IMMP2L: variants seen among roughly 807,000 people sequenced by gnomAD.
The protein encoded by IMMP2L is mitochondrial inner membrane protease subunit 2.
Under a neutral mutation model 19.3 loss-of-function variants are expected in IMMP2L, and 18 were observed. That is an observed-to-expected ratio of 0.93 (90% CI 0.64 to 1.38). IMMP2L has a LOEUF of 1.38. Ranked by LOEUF, IMMP2L falls within the 40% of genes most tolerant of loss-of-function variation. The pLI is 0.00. For synonymous variants in IMMP2L, 76 were observed against 73.0 expected, an observed-to-expected ratio of 1.04 and a Z score of -0.21; for missense variants, 233 against 218.2, an observed-to-expected ratio of 1.07 and a Z score of -0.43.
chr7:110,987,205 A>G (rs935898293), intron 3 of IMMP2L, among the ~76,000 whole-genome samples: 1 of 152,194 alleles, frequency 6.6e-6, no homozygotes, highest in Non-Finnish European at 1.5e-5. Flanking sequence ...TAAATAATAT[A>G]TAATACTTAT....
chr7:111,079,035 A>T (rs928875489), intron 3 of IMMP2L, among the ~76,000 whole-genome samples: 1 of 151,992 alleles, frequency 6.6e-6, no homozygotes, highest in Non-Finnish European at 1.5e-5. Flanking sequence ...AAACATTTTA[A>T]AAGCCAACAT....
intron 3 of IMMP2L, among the ~76,000 whole-genome samples, chr7:111,164,086 G>C (rs937280441): frequency 3.4e-5 from 5 of 147,132 alleles, no homozygotes; most frequent in African/African-American, 2.5e-5. Context: ...AAAAAGGGAA[G>C]GAAAGTAGGA....
chr7:111,339,604 A>G (rs1451142294), intron 3 of IMMP2L, among the ~76,000 whole-genome samples: 1 of 151,956 alleles, frequency 6.6e-6, no homozygotes, highest in East Asian at 1.9e-4. Context: ...AACTGGAAGT[A>G]AGGAGGAGTA....
chr7:110,722,281 T>C (rs1435245373), intron 5 of IMMP2L, among the ~76,000 whole-genome samples: 1 of 152,122 alleles, frequency 6.6e-6, no homozygotes, highest in African/African-American at 2.4e-5. Flanking sequence ...AGGGTTATAT[T>C]ACTAATAGTA....
chr7:111,441,244 C>T (rs1463038194), intron 3 of IMMP2L, among the ~76,000 whole-genome samples: 1 of 151,928 alleles, frequency 6.6e-6, no homozygotes, highest in East Asian at 1.9e-4. Context: ...AAGAGGCCTA[C>T]CTTTCAGCCT....
chr7:111,287,354 A>T (rs1584462400), intron 3 of IMMP2L, among the ~76,000 whole-genome samples: 2 of 152,150 alleles, frequency 1.3e-5, no homozygotes, highest in Admixed American at 1.3e-4. Flanking sequence ...AATCAGGAAA[A>T]CATCTGCAAA....
In IMMP2L at chr7:111,371,603, T is replaced by C. The variant is rs772686994; in HGVS notation, c.239+115635A>G. On this transcript the variant is annotated intron_variant, in intron 3 of 5. Coordinates refer to ENST00000405709, the MANE Select transcript of IMMP2L (RefSeq NM_032549.4). The stretch of plus-strand genomic sequence containing the variant: ...AGTACTTTCTGTGGACTGTTCACCA[T>C]GTAACGATACAGTATCACCATAGAG... 4.9e-4 allele frequency among the ~76,000 whole-genome samples: 75 copies of C among 152,074 alleles called. 1 individual carries two copies. The highest frequency in any genetic ancestry group is 9.7e-4 in the Non-Finnish European group (66 of 67,986).
chr7:111,166,107 C>A (rs1805786512), intron 3 of IMMP2L, among the ~76,000 whole-genome samples: 1 of 151,912 alleles, frequency 6.6e-6, no homozygotes, highest in South Asian at 2.1e-4. Flanking sequence ...TTCATTTAAA[C>A]CCCATGAGTG....
chr7:111,063,914 CTCTG>C (rs1177127585), intron 3 of IMMP2L, among the ~76,000 whole-genome samples: 1 of 152,194 alleles, frequency 6.6e-6, no homozygotes, highest in Admixed American at 6.6e-5. Flanking sequence ...TCCCACATTT[CTCTG>C]TCTTCTTCTG....
intron 3 of IMMP2L, chr7:111,124,470 G>A (rs761438479): frequency 2.5e-5 from 40 of 1,613,692 alleles, no homozygotes; most frequent in Admixed American, 1.2e-4. Flanking sequence ...CTCATGCTGC[G>A]CAAAGTGCTC....
At chr7:110,892,719 C>T (rs866190452) in intron 4 of IMMP2L, among the ~76,000 whole-genome samples, 1 of 151,980 alleles carries the variant, frequency 6.6e-6, no homozygotes, top group African/African-American at 2.4e-5. Flanking sequence ...ACATGGACTA[C>T]CTTAAAAAAA....
chr7:110,698,761 G>C (rs926123084), intron 5 of IMMP2L, among the ~76,000 whole-genome samples: 4 of 152,258 alleles, frequency 2.6e-5, no homozygotes, highest in South Asian at 4.1e-4. Context: ...TATGTGTCCA[G>C]TATTCACCTT....
chr7:110,683,828 A>AT (rs1366710724), intron 5 of IMMP2L, among the ~76,000 whole-genome samples: 1 of 151,958 alleles, frequency 6.6e-6, no homozygotes, highest in Non-Finnish European at 1.5e-5. Context: ...TGACTCTGTG[A>AT]TTTTTTTCTT....
chr7:111,139,125 A>C (rs951867546), intron 3 of IMMP2L, among the ~76,000 whole-genome samples: 1 of 152,154 alleles, frequency 6.6e-6, no homozygotes, highest in African/African-American at 2.4e-5. Context: ...ACCAAAAAAA[A>C]GGAATAAGCC....
At chr7:110,698,511 T>C (rs1365189984) in intron 5 of IMMP2L, among the ~76,000 whole-genome samples, 1 of 152,182 alleles carries the variant, frequency 6.6e-6, no homozygotes, top group Non-Finnish European at 1.5e-5. Context: ...GAGAATACCC[T>C]CCCCTCTACC....
intron 3 of IMMP2L, among the ~76,000 whole-genome samples, chr7:111,101,982 A>G (rs1296353067): frequency 6.6e-6 from 1 of 151,350 alleles, no homozygotes; most frequent in Admixed American, 6.6e-5. Flanking sequence ...TCTAATTTTC[A>G]TACACTATAT....
intron 3 of IMMP2L, among the ~76,000 whole-genome samples, chr7:111,267,627 T>C (rs1044599340): frequency 6.6e-6 from 1 of 152,212 alleles, no homozygotes; most frequent in Non-Finnish European, 1.5e-5. Context: ...AAGGAGGACA[T>C]TCTTAACCTT....
At chr7:111,426,643 T>C (rs1001052804) in intron 3 of IMMP2L, among the ~76,000 whole-genome samples, 6 of 151,330 alleles carry the variant, frequency 4.0e-5, no homozygotes, top group African/African-American at 1.2e-4. Context: ...AAATATGTTA[T>C]GTTGTCCTTT....
At chr7:111,431,232 A>G (rs1433571008) in intron 3 of IMMP2L, among the ~76,000 whole-genome samples, 9 of 151,914 alleles carry the variant, frequency 5.9e-5, no homozygotes, top group Admixed American at 5.9e-4. Context: ...CTTTTGTTAG[A>G]TAACAAAATC....
Sources: allele counts gnomAD v4.1 joint callset (sites outside exome capture counted in the v4.1 genomes callset), GRCh38; gene constraint gnomAD v4.1.1; transcripts MANE v1.5; gene names NCBI Gene and HGNC (gene_info 2026-07-23, HGNC 2026-07-21).